TOP6BL: variants seen among roughly 807,000 people sequenced by gnomAD.
TOP6BL encodes the protein TOP6B like initiator of meiotic double strand breaks.
the TOP6BL span, among the ~76,000 whole-genome samples, chr11:66,750,225 T>C: frequency 2.0e-5 from 3 of 152,152 alleles, no homozygotes; most frequent in Admixed American, 6.6e-5. Flanking sequence ...TGTACACTTA[T>C]TTAGTTTTAG....
the TOP6BL span, among the ~76,000 whole-genome samples, chr11:66,753,135 A>T: frequency 2.3e-4 from 35 of 151,936 alleles, no homozygotes; most frequent in East Asian, 2.0e-3. Flanking sequence ...TCTCCAAAAA[A>T]AAATATATAT....
At chr11:66,784,327 C>T in the TOP6BL span, among the ~76,000 whole-genome samples, 2 of 152,056 alleles carry the variant, frequency 1.3e-5, no homozygotes, top group Admixed American at 1.3e-4. Context: ...GCCACTGCAC[C>T]CTGCCATTTT....
the TOP6BL span, among the ~76,000 whole-genome samples, chr11:66,826,665 CTTT>C: frequency 6.8e-6 from 1 of 146,616 alleles, no homozygotes; most frequent in South Asian, 2.2e-4. Flanking sequence ...TGGGTCACTT[CTTT>C]TTTTTTTATT....
the TOP6BL span, among the ~76,000 whole-genome samples, chr11:66,770,616 A>G: frequency 6.6e-6 from 1 of 152,192 alleles, no homozygotes; most frequent in Non-Finnish European, 1.5e-5. Flanking sequence ...ACCCAGGAGA[A>G]TGGCTTGAAC....
chr11:66,838,505 G>A, the TOP6BL span: 8 of 1,493,518 alleles, frequency 5.4e-6, no homozygotes, highest in Non-Finnish European at 7.4e-6. Flanking sequence ...AAAAACGTGA[G>A]TTCAAACTTT....
At chr11:66,808,752 A>G in the TOP6BL span, among the ~76,000 whole-genome samples, 1 of 152,248 alleles carries the variant, frequency 6.6e-6, no homozygotes, top group East Asian at 1.9e-4. Flanking sequence ...TAAAAGCTAA[A>G]GATAGCAAGA....
chr11:66,749,015 C>A, the TOP6BL span, among the ~76,000 whole-genome samples: 1 of 151,908 alleles, frequency 6.6e-6, no homozygotes, highest in Non-Finnish European at 1.5e-5. Flanking sequence ...GGCTCTGAAG[C>A]ATGAATTTTC....
At chr11:66,828,380 C>T in the TOP6BL span, 287 of 1,580,694 alleles carry the variant, frequency 1.8e-4, no homozygotes, top group African/African-American at 3.3e-3. Flanking sequence ...TGTAAATAAT[C>T]AGTACTTTGG....
the TOP6BL span, chr11:66,800,769 T>C: frequency 3.0e-5 from 40 of 1,315,388 alleles, no homozygotes; most frequent in Non-Finnish European, 4.0e-5. Context: ...TTGTCCTATT[T>C]CCAAAAGGTT....
the TOP6BL span, among the ~76,000 whole-genome samples, chr11:66,811,701 G>T: frequency 1.3e-5 from 2 of 152,172 alleles, no homozygotes; most frequent in African/African-American, 4.8e-5. Context: ...AGTTAAAGTT[G>T]TATACTAATA....
At chr11:66,819,907 A>G in the TOP6BL span, among the ~76,000 whole-genome samples, 1 of 140,788 alleles carries the variant, frequency 7.1e-6, no homozygotes, top group Non-Finnish European at 1.6e-5. Flanking sequence ...CTTGTCTTAA[A>G]AAAAAAAAAA....
At chr11:66,843,288 A>C in the TOP6BL span, 5 of 1,590,538 alleles carry the variant, frequency 3.1e-6, no homozygotes, top group Non-Finnish European at 4.3e-6. Context: ...GGCAGCCGTT[A>C]TCCCGTGGTT....
the TOP6BL span, among the ~76,000 whole-genome samples, chr11:66,776,133 A>C: frequency 6.6e-6 from 1 of 151,226 alleles, no homozygotes; most frequent in South Asian, 2.1e-4. Context: ...ATCTCGGCTC[A>C]CTGCAACCTC....
chr11:66,750,944 G>T, the TOP6BL span, among the ~76,000 whole-genome samples: 1 of 151,644 alleles, frequency 6.6e-6, no homozygotes, highest in Non-Finnish European at 1.5e-5. Context: ...GGCTCAAGCA[G>T]TCCTCTCACT....
At chr11:66,744,826 G>GGCT in the TOP6BL span, 1 of 1,315,234 alleles carries the variant, frequency 7.6e-7, no homozygotes, top group East Asian at 3.1e-5. Flanking sequence ...AGGGGGCGGC[G>GGCT]GCGGCGGCGG....
chr11:66,748,448 C>T, the TOP6BL span: 5 of 1,547,758 alleles, frequency 3.2e-6, no homozygotes, highest in Non-Finnish European at 4.4e-6. Flanking sequence ...GCTAGAAGGG[C>T]AGCTAGTGAT....
At chr11:66,787,625 C>T in the TOP6BL span, among the ~76,000 whole-genome samples, 1 of 148,722 alleles carries the variant, frequency 6.7e-6, no homozygotes, top group African/African-American at 2.5e-5. Context: ...GTGGCTGAGG[C>T]ATAAGCATCA....
At chr11:66,759,190 A>G in the TOP6BL span, 2 of 835,594 alleles carry the variant, frequency 2.4e-6, no homozygotes, top group African/African-American at 3.4e-5. Context: ...GAAAGAGCTG[A>G]CAGATTTATA....
the TOP6BL span, among the ~76,000 whole-genome samples, chr11:66,793,100 T>TG: frequency 1.4e-4 from 21 of 152,088 alleles, no homozygotes; most frequent in Non-Finnish European, 2.8e-4. Flanking sequence ...ATGTTTTTTT[T>TG]TTTTTGAGAT....
Sources: gnomAD v4.1 joint callset for allele counts (sites outside exome capture counted in the v4.1 genomes callset) on GRCh38, gnomAD v4.1.1 for gene constraint, MANE v1.5 for transcripts, NCBI Gene and HGNC (gene_info 2026-07-23, HGNC 2026-07-21) for gene names.